The following FRAS1 variants were observed in gnomAD, a reference collection of about 807,000 sequenced individuals.
FRAS1 encodes the protein extracellular matrix organizing protein FRAS1.
Under a neutral mutation model 435.2 loss-of-function variants are expected in FRAS1, and 290 were observed. That is an observed-to-expected ratio of 0.67 (90% CI 0.61 to 0.73). The LOEUF is 0.73. Among genes scored for constraint, FRAS1 ranks in the 30% least tolerant of loss-of-function variants. The pLI is 0.00. For synonymous variants in FRAS1, 1,800 were observed against 1,851.0 expected, an observed-to-expected ratio of 0.97 and a Z score of 0.71; for missense variants, 4,860 against 5,001.5, an observed-to-expected ratio of 0.97 and a Z score of 0.85.
At chr4:78,193,937 T>C (rs1172820585) in intron 2 of FRAS1, among the ~76,000 whole-genome samples, 1 of 152,248 alleles carries the variant, frequency 6.6e-6, no homozygotes, top group Non-Finnish European at 1.5e-5. Flanking sequence ...GTTTAGCGCT[T>C]CCTTCAGGAG....
chr4:78,272,248 T>C (rs374024864), intron 9 of FRAS1, among the ~76,000 whole-genome samples: 5 of 152,196 alleles, frequency 3.3e-5, no homozygotes, highest in African/African-American at 4.8e-5. Flanking sequence ...AAATTTTCTC[T>C]CATTCTGTAG....
chr4:78,187,789 G>C (rs932614237), intron 2 of FRAS1, among the ~76,000 whole-genome samples: 15 of 152,036 alleles, frequency 9.9e-5, no homozygotes, highest in African/African-American at 3.6e-4. Flanking sequence ...ATTTTTAGTA[G>C]AGACAGAGTT....
At chr4:78,390,525 A>T (rs1463432210) in intron 29 of FRAS1, among the ~76,000 whole-genome samples, 1 of 152,214 alleles carries the variant, frequency 6.6e-6, no homozygotes, top group Non-Finnish European at 1.5e-5. Context: ...TGTGTTGGTC[A>T]TATATATTCT....
chr4:78,495,930 C>A (rs566963605), intron 59 of FRAS1, among the ~76,000 whole-genome samples: 2 of 152,104 alleles, frequency 1.3e-5, no homozygotes, highest in Admixed American at 1.3e-4. Context: ...GACTTAAAAT[C>A]AGATTAGCAA....
intron 2 of FRAS1, among the ~76,000 whole-genome samples, chr4:78,133,399 T>A (rs1578145206): frequency 6.6e-6 from 1 of 151,098 alleles, no homozygotes; most frequent in African/African-American, 2.4e-5. Flanking sequence ...GGGAGGGAGG[T>A]AGGGAAGGTT....
At chr4:78,126,952 C>G (rs906247444) in intron 2 of FRAS1, among the ~76,000 whole-genome samples, 1 of 152,182 alleles carries the variant, frequency 6.6e-6, no homozygotes, top group Non-Finnish European at 1.5e-5. Flanking sequence ...AAGCCCCAAC[C>G]ATTTATTCAT....
Position 78,307,176 on chromosome 4 carries a change from C to A in FRAS1, c.1535-890C>A, listed in dbSNP as rs762244430. Among the ~76,000 whole-genome samples, 5 of 152,286 alleles carry A rather than the reference C, an allele frequency of 3.3e-5. No individual in the cohort carries two copies. The East Asian group carries it at 9.6e-4, about 29-fold the overall frequency. ...GGGGGTGCCTCCTAGTTAGGCTGCT[C>A]GGGGGTCAGAGGTCAGGGACCCACT... On this transcript the variant is annotated intron_variant, in intron 14 of 73. Transcript: ENST00000512123.
At chr4:78,124,550 A>G (rs1719228331) in intron 2 of FRAS1, among the ~76,000 whole-genome samples, 1 of 152,214 alleles carries the variant, frequency 6.6e-6, no homozygotes, top group African/African-American at 2.4e-5. Context: ...AAGGAATGGT[A>G]CTAGCTCCTC....
chr4:78,442,420 G>T (rs1278318200), intron 41 of FRAS1, among the ~76,000 whole-genome samples: 2 of 152,232 alleles, frequency 1.3e-5, no homozygotes, highest in East Asian at 3.8e-4. Flanking sequence ...GCCTGGGAAG[G>T]CAGAAAAGTC....
chr4:78,263,655 T>G (rs1207447252), intron 6 of FRAS1, among the ~76,000 whole-genome samples: 1 of 152,250 alleles, frequency 6.6e-6, no homozygotes, highest in Non-Finnish European at 1.5e-5. Context: ...CTTATTAAGC[T>G]GAAGAGATCT....
intron 63 of FRAS1, among the ~76,000 whole-genome samples, chr4:78,510,900 C>G (rs1036064976): frequency 7.9e-5 from 12 of 152,192 alleles, no homozygotes; most frequent in Admixed American, 7.2e-4. Flanking sequence ...ACATCATGCT[C>G]TCAGCAACAG....
intron 2 of FRAS1, among the ~76,000 whole-genome samples, chr4:78,078,435 G>A (rs28497565): frequency 0.13 from 19,448 of 152,008 alleles, 1,316 homozygotes; most frequent in Middle Eastern, 0.19. Flanking sequence ...TGTAAGGTAA[G>A]GATAAAACCT....
In FRAS1 at chr4:78,496,831, C is replaced by T. The variant is rs201241555; in HGVS notation, c.8985C>T (p.His2995=). 233 of 1,613,736 alleles carry T rather than the reference C, an allele frequency of 1.4e-4. No homozygotes were observed. Among genetic ancestry groups the T allele is most frequent in the Middle Eastern group, 3.3e-4 (2 of 6,056 alleles). The change falls in exon 60 of 74, where the codon CAC becomes CAT. Residue 2995 remains histidine, a synonymous_variant. Transcript: ENST00000512123. ...TGAAGAACTGTACGGTCTATATCCA[C>T]GATGACTCCATGTTTGAGCCAGAGG... is the stretch of plus-strand genomic sequence containing the variant. ...DKVKNCTVYI[H]DDSMFEPEEQ... is the part of the protein sequence containing the mutation.
chr4:78,402,017 G>A (rs1167424789), intron 30 of FRAS1, among the ~76,000 whole-genome samples: 1 of 151,766 alleles, frequency 6.6e-6, no homozygotes, highest in Non-Finnish European at 1.5e-5. Context: ...TAACCAAAAC[G>A]AGCAAGAAGA....
rs776528593 is a variant in FRAS1 at position 78,133,953 on chromosome 4, GT to G, written c.108+67949del. On this transcript the variant is annotated intron_variant, in intron 2 of 73. Coordinates refer to ENST00000512123, the MANE Select transcript of FRAS1 (RefSeq NM_025074.7). ...AGGTGAGGGAGCTGAGATGGACTAG[GT>G]TTTTTTTTTTTGTTTTTTTTTTTGA... Among the ~76,000 whole-genome samples, 161 of 133,912 alleles carry G rather than the reference GT, an allele frequency of 1.2e-3. 1 individual carries two copies. Among genetic ancestry groups the G allele is most frequent in the African/African-American group, 2.9e-3 (105 of 35,854 alleles). The allele number at this position is 133,912 out of a possible 152,430, so 87.9% of individuals were successfully genotyped here.
chr4:78,095,791 C>G (rs1741773219), intron 2 of FRAS1, among the ~76,000 whole-genome samples: 1 of 152,202 alleles, frequency 6.6e-6, no homozygotes, highest in African/African-American at 2.4e-5. Context: ...TCTGCTGAGT[C>G]CCTACCACAA....
At chr4:78,084,938 G>T (rs975406071) in intron 2 of FRAS1, among the ~76,000 whole-genome samples, 2 of 152,002 alleles carry the variant, frequency 1.3e-5, no homozygotes, top group Admixed American at 1.3e-4. Flanking sequence ...TTTATTTATA[G>T]TGCCTTTTCT....
At chr4:78,316,302 A>C (rs1345544560) in intron 16 of FRAS1, among the ~76,000 whole-genome samples, 1 of 152,204 alleles carries the variant, frequency 6.6e-6, no homozygotes, top group East Asian at 1.9e-4. Flanking sequence ...CTTTCCTCAC[A>C]GGTAACTCTG....
intron 2 of FRAS1, among the ~76,000 whole-genome samples, chr4:78,194,136 G>A (rs1268355142): frequency 1.3e-5 from 2 of 152,224 alleles, no homozygotes; most frequent in African/African-American, 4.8e-5. Flanking sequence ...TCTGCCGAGA[G>A]ATCAGCTGTT....
Sources: gnomAD v4.1 joint callset for allele counts (sites outside exome capture counted in the v4.1 genomes callset) on GRCh38, gnomAD v4.1.1 for gene constraint, MANE v1.5 for transcripts, NCBI Gene and HGNC (gene_info 2026-07-23, HGNC 2026-07-21) for gene names.